ADGRL3: variants seen among roughly 807,000 people sequenced by gnomAD.
ADGRL3 encodes the protein calcium-independent alpha-latrotoxin receptor 3.
In ADGRL3, 62 loss-of-function variants were observed where a neutral mutation model predicts 153.5. The ratio of observed to expected loss-of-function variants is 0.40; its 90% CI spans 0.33 to 0.50. The LOEUF (loss-of-function observed/expected upper bound fraction) is 0.50. Among genes scored for constraint, ADGRL3 ranks in the 20% least tolerant of loss-of-function variants. The pLI is 0.47. For synonymous variants in ADGRL3, 710 were observed against 672.5 expected (o/e 1.06, Z -0.86); for missense variants, 1,641 against 1,859.4 (o/e 0.88, Z 2.16).
At chr4:62,005,691 T>G (rs2099154885) in intron 21 of ADGRL3, among the ~76,000 whole-genome samples, 1 of 151,958 alleles carries the variant, frequency 6.6e-6, no homozygotes, top group Admixed American at 6.6e-5. Context: ...TTAAACTAGC[T>G]ATTCATAAGA....
intron 2 of ADGRL3, among the ~76,000 whole-genome samples, chr4:61,444,946 G>A (rs946618943): frequency 5.9e-5 from 9 of 151,954 alleles, no homozygotes; most frequent in Non-Finnish European, 1.3e-4. Context: ...CCAGCTACTC[G>A]GAGACTGGGG....
intron 1 of ADGRL3, among the ~76,000 whole-genome samples, chr4:61,215,414 C>A (rs1380737583): frequency 1.3e-5 from 2 of 151,998 alleles, no homozygotes; most frequent in African/African-American, 2.4e-5. Context: ...AAGAAAGGTA[C>A]AGAAGGAATC....
At chr4:62,000,674 A>G (rs2099137112) in intron 21 of ADGRL3, among the ~76,000 whole-genome samples, 1 of 152,184 alleles carries the variant, frequency 6.6e-6, no homozygotes, top group Non-Finnish European at 1.5e-5. Flanking sequence ...GCAGAAGAAC[A>G]TAAACCTTTG....
intron 1 of ADGRL3, among the ~76,000 whole-genome samples, chr4:61,363,625 T>A (rs1578440200): frequency 6.6e-6 from 1 of 152,222 alleles, no homozygotes; most frequent in Non-Finnish European, 1.5e-5. Flanking sequence ...ATGGTGATAA[T>A]GTTATTTACT....
At chr4:61,751,332 A>T (rs561289999) in intron 8 of ADGRL3, among the ~76,000 whole-genome samples, 32 of 152,164 alleles carry the variant, frequency 2.1e-4, no homozygotes, top group Non-Finnish European at 4.1e-4. Flanking sequence ...TCACTGGTTG[A>T]CTAAAATCCA....
rs576609204 is a variant in ADGRL3 at position 61,497,276 on chromosome 4, A to T, written c.-18A>T. 1.9e-6 allele frequency: 3 copies of T among 1,550,288 alleles called. No homozygotes were observed. The highest frequency in any genetic ancestry group is 1.8e-6 in the Non-Finnish European group (2 of 1,128,928). ...AACAGTCATTCTTGAGGAATACTCCATACCTGAGTAGACAGCCATGTGGCC... is the reference window on the plus strand; with the variant it reads ...AACAGTCATTCTTGAGGAATACTCCTTACCTGAGTAGACAGCCATGTGGCC... On this transcript the variant is annotated 5_prime_UTR_variant, in exon 3 of 27. Coordinates refer to ENST00000683033, the MANE Select transcript of ADGRL3 (RefSeq NM_001387552.1).
At chr4:61,362,833 T>C (rs568102168) in intron 1 of ADGRL3, among the ~76,000 whole-genome samples, 25 of 152,276 alleles carry the variant, frequency 1.6e-4, no homozygotes, top group Admixed American at 1.4e-3. Flanking sequence ...CATATATAGA[T>C]GACTTTTTCA....
intron 5 of ADGRL3, among the ~76,000 whole-genome samples, chr4:61,614,111 A>G (rs1320733288): frequency 1.3e-5 from 2 of 152,230 alleles, no homozygotes; most frequent in African/African-American, 4.8e-5. Flanking sequence ...AAAATAAAAA[A>G]GTACTGCTGC....
intron 24 of ADGRL3, among the ~76,000 whole-genome samples, chr4:62,043,869 C>A (rs900169049): frequency 6.6e-6 from 1 of 151,996 alleles, no homozygotes; most frequent in Non-Finnish European, 1.5e-5. Context: ...CTAACTTTAT[C>A]TTCTTCAAAG....
chr4:61,789,074 A>C (rs950693720), intron 8 of ADGRL3, among the ~76,000 whole-genome samples: 43 of 152,274 alleles, frequency 2.8e-4, no homozygotes, highest in African/African-American at 1.0e-3. Flanking sequence ...TTCATGCATT[A>C]TGTCATAAAA....
chr4:61,670,707 T>C (rs1436090193), intron 5 of ADGRL3, among the ~76,000 whole-genome samples: 1 of 152,128 alleles, frequency 6.6e-6, no homozygotes, highest in Middle Eastern at 3.2e-3. Context: ...AGGTCTTTTA[T>C]GTGTCAGAAA....
chr4:62,022,807 T>G (rs62306378), intron 21 of ADGRL3, among the ~76,000 whole-genome samples: 215 of 151,602 alleles, frequency 1.4e-3, no homozygotes, highest in Non-Finnish European at 2.6e-3. Context: ...AAAAAAAAAT[T>G]CTTTCAAAAT....
intron 2 of ADGRL3, among the ~76,000 whole-genome samples, chr4:61,467,513 G>A (rs1305087018): frequency 6.8e-6 from 1 of 147,996 alleles, no homozygotes; most frequent in Non-Finnish European, 1.5e-5. Context: ...AGAGATGAAG[G>A]GAGGGAGGGA....
At position 62,076,769 on chromosome 4, in the gene ADGRL3, T is replaced by C. The variant is rs1229651393; in HGVS notation, c.*5861T>C. 6.6e-6 allele frequency: 1 copy of C among 151,866 alleles called. No individual in the cohort carries two copies. Among genetic ancestry groups the C allele is most frequent in the African/African-American group, 2.4e-5 (1 of 41,408 alleles). 9.4% of individuals were successfully genotyped at this position (151,866 alleles called of 1,614,324 possible). A position where few individuals can be genotyped will look rare whatever the true frequency, so the allele number is the denominator to read the frequency against. ...ATAAATGTTTCTTAAATATAAGTAT[T>C]TTGTCTGAATTCATCTTCACTCTCT... On this transcript the variant is annotated 3_prime_UTR_variant, in exon 27 of 27. Coordinates refer to ENST00000683033, the MANE Select transcript of ADGRL3 (RefSeq NM_001387552.1).
chr4:61,235,988 A>G (rs1239366615), intron 1 of ADGRL3, among the ~76,000 whole-genome samples: 1 of 140,138 alleles, frequency 7.1e-6, no homozygotes, highest in Non-Finnish European at 1.6e-5. Flanking sequence ...TGCTTTCTTT[A>G]TCAGTGTTTC....
intron 5 of ADGRL3, among the ~76,000 whole-genome samples, chr4:61,618,948 C>T (rs987456451): frequency 5.3e-5 from 8 of 152,206 alleles, no homozygotes; most frequent in Middle Eastern, 3.4e-3. Context: ...AACTCCTGAA[C>T]GCAAACCGTC....
At chr4:61,611,066 A>G (rs1376978125) in intron 5 of ADGRL3, among the ~76,000 whole-genome samples, 1 of 152,116 alleles carries the variant, frequency 6.6e-6, no homozygotes. Context: ...TAAACCCTAA[A>G]ATTTCGGTTG....
At chr4:61,864,535 C>T (rs538747764) in intron 9 of ADGRL3, among the ~76,000 whole-genome samples, 12 of 152,232 alleles carry the variant, frequency 7.9e-5, no homozygotes, top group Admixed American at 6.5e-4. Context: ...AAAAGCCAAG[C>T]TTTTAGATGT....
chr4:61,435,067 A>G (rs1456720877), intron 2 of ADGRL3, among the ~76,000 whole-genome samples: 1 of 152,102 alleles, frequency 6.6e-6, no homozygotes, highest in Admixed American at 6.5e-5. Context: ...AGTAAAAGCA[A>G]AGTAATCTAC....
Sources: allele counts gnomAD v4.1 joint callset (sites outside exome capture counted in the v4.1 genomes callset), GRCh38; gene constraint gnomAD v4.1.1; transcripts MANE v1.5; gene names NCBI Gene and HGNC (gene_info 2026-07-23, HGNC 2026-07-21).